PRKG2: variants seen among roughly 807,000 people sequenced by gnomAD.
PRKG2 encodes cGMP-dependent protein kinase 2.
Under a neutral mutation model 97.2 loss-of-function variants are expected in PRKG2, and 33 were observed. The ratio of observed to expected loss-of-function variants is 0.34; its 90% CI spans 0.26 to 0.45. PRKG2 has a LOEUF of 0.45. PRKG2 is among the 20% of genes least tolerant of loss of function. The probability of loss-of-function intolerance (pLI) is 1.00; values close to 1 mark genes in which losing one functional copy is unlikely to be tolerated. For synonymous variants in PRKG2, 330 were observed against 321.8 expected, an observed-to-expected ratio of 1.03 and a Z score of -0.27; for missense variants, 638 against 900.0, an observed-to-expected ratio of 0.71 and a Z score of 3.73.
chr4:81,157,441 G>C (rs979067685), intron 6 of PRKG2, among the ~76,000 whole-genome samples: 5 of 152,130 alleles, frequency 3.3e-5, no homozygotes, highest in African/African-American at 1.2e-4. Flanking sequence ...ATAATCAACA[G>C]CTTACCAACA....
chr4:81,143,483 C>T (rs1440743184), intron 10 of PRKG2, among the ~76,000 whole-genome samples: 1 of 152,096 alleles, frequency 6.6e-6, no homozygotes, highest in East Asian at 1.9e-4. Flanking sequence ...ATGAAAAGTA[C>T]ATTTCTTACT....
intron 17 of PRKG2, among the ~76,000 whole-genome samples, chr4:81,098,125 G>C (rs1742312287): frequency 6.6e-6 from 1 of 152,122 alleles, no homozygotes; most frequent in African/African-American, 2.4e-5. Context: ...CTAATTAGCT[G>C]CCAGTGCGGC....
At chr4:81,094,148 A>C (rs1336647652) in intron 17 of PRKG2, among the ~76,000 whole-genome samples, 6 of 152,244 alleles carry the variant, frequency 3.9e-5, no homozygotes, top group Non-Finnish European at 8.8e-5. Flanking sequence ...GGAAAGATTT[A>C]GTTGTACCCT....
In PRKG2 at chr4:81,088,584, T is replaced by C. The variant is rs1741279340; in HGVS notation, c.*1124A>G. On this transcript the variant is annotated 3_prime_UTR_variant, in exon 19 of 19. Coordinates refer to ENST00000264399, the MANE Select transcript of PRKG2 (RefSeq NM_006259.3). ...GGAAGGGATAGGAGGGATGCTGTTG[T>C]CCCTTTTACTTCTGAAATCCTATCA... The C allele has an allele frequency of 1.3e-5, 2 of 152,158 alleles. No individual in the cohort carries two copies. Among genetic ancestry groups the C allele is most frequent in the Non-Finnish European group, 2.9e-5 (2 of 68,014 alleles). 9.4% of individuals were successfully genotyped at this position (152,158 alleles called of 1,614,324 possible).
chr4:81,186,759 T>A (rs973566791), intron 2 of PRKG2, among the ~76,000 whole-genome samples: 3 of 150,310 alleles, frequency 2.0e-5, no homozygotes, highest in African/African-American at 7.4e-5. Flanking sequence ...GAGAGAAGAG[T>A]CCAACAGACA....
chr4:81,106,213 T>A (rs1743321043), intron 15 of PRKG2, among the ~76,000 whole-genome samples: 1 of 152,154 alleles, frequency 6.6e-6, no homozygotes, highest in Admixed American at 6.6e-5. Flanking sequence ...AGAGAAGGTG[T>A]GATTTTTTGA....
intron 14 of PRKG2, among the ~76,000 whole-genome samples, chr4:81,117,014 A>G (rs112211331): frequency 0.034 from 2,958 of 86,568 alleles, 136 homozygotes; most frequent in African/African-American, 0.14. Flanking sequence ...TTTTTTTGAG[A>G]CAGGGTCTCA....
chr4:81,094,736 GC>G (rs1466428916), intron 17 of PRKG2, among the ~76,000 whole-genome samples: 1 of 151,992 alleles, frequency 6.6e-6, no homozygotes, highest in Non-Finnish European at 1.5e-5. Flanking sequence ...CTGTGGCAAA[GC>G]CCTTCCAGAT....
At chr4:81,108,329 T>C (rs1026207235) in intron 15 of PRKG2, among the ~76,000 whole-genome samples, 1 of 152,196 alleles carries the variant, frequency 6.6e-6, no homozygotes, top group South Asian at 2.1e-4. Context: ...AGACCTTGTG[T>C]TACTGAGCTT....
chr4:81,095,544 T>A (rs769813380), intron 17 of PRKG2, among the ~76,000 whole-genome samples: 1 of 152,236 alleles, frequency 6.6e-6, no homozygotes, highest in Non-Finnish European at 1.5e-5. Context: ...AAACAGCCCA[T>A]GTGTTGCTTA....
intron 15 of PRKG2, among the ~76,000 whole-genome samples, chr4:81,107,879 A>G (rs1006568774): frequency 6.6e-6 from 1 of 152,118 alleles, no homozygotes; most frequent in Non-Finnish European, 1.5e-5. Context: ...CTGAATTTGG[A>G]TAACATTTTA....
intron 2 of PRKG2, among the ~76,000 whole-genome samples, chr4:81,200,741 C>T (rs1444772970): frequency 6.6e-6 from 1 of 152,164 alleles, no homozygotes; most frequent in Admixed American, 6.5e-5. Context: ...GTTCCTATGG[C>T]TCCAAGGTCT....
intron 17 of PRKG2, among the ~76,000 whole-genome samples, chr4:81,096,497 C>T (rs1178908234): frequency 6.6e-6 from 1 of 152,150 alleles, no homozygotes; most frequent in Non-Finnish European, 1.5e-5. Context: ...AATCACACCA[C>T]TGCACTCCAG....
At chr4:81,090,464 C>A (rs1741429798) in intron 18 of PRKG2, among the ~76,000 whole-genome samples, 1 of 151,978 alleles carries the variant, frequency 6.6e-6, no homozygotes, top group South Asian at 2.1e-4. Flanking sequence ...ATAAGTTTCT[C>A]ACCAATCCTG....
Position 81,137,407 on chromosome 4 carries a change from A to G in PRKG2, c.1620T>C (p.Ser540=), listed in dbSNP as rs1161032412. The change falls in exon 13 of 19, where the codon AGT becomes AGC. Residue 540 remains serine, a synonymous_variant. Transcript: ENST00000264399. ...LEACLGGELW[S]ILRDRGSFDE... Reference sequence around the variant, plus strand: ...TTTTTCATTACCTGTCCCTTAATATACTCCAGAGCTCCCCACCTAAGCAGG... The same window carrying G: ...TTTTTCATTACCTGTCCCTTAATATGCTCCAGAGCTCCCCACCTAAGCAGG... The G allele has an allele frequency of 6.2e-7, 1 of 1,609,474 alleles. No individual in the cohort carries two copies. The highest frequency in any genetic ancestry group is 8.5e-7 in the Non-Finnish European group (1 of 1,175,996).
chr4:81,163,164 A>G (rs1044279426), intron 6 of PRKG2, among the ~76,000 whole-genome samples: 6 of 152,196 alleles, frequency 3.9e-5, no homozygotes, highest in African/African-American at 1.4e-4. Context: ...GTGTGTTGAC[A>G]GTAACTTCAT....
At position 81,135,359 on chromosome 4, in the gene PRKG2, G is replaced by A. The variant is rs187679893; in HGVS notation, c.1635-63C>T. 26 of 1,491,652 alleles carry A rather than the reference G, an allele frequency of 1.7e-5. No homozygotes were observed. The African/African-American group carries it at 3.4e-4, about 19-fold the overall frequency. The allele number at this position is 1,491,652 out of a possible 1,614,324, so 92.4% of individuals were successfully genotyped here. A position where few individuals can be genotyped will look rare whatever the true frequency, so the allele number is the denominator to read the frequency against. ...ACACATCTTTGGTGCTGTTCTACGT[G>A]TCAAATCAATTATTGGATTGGCAGG... On this transcript the variant is annotated intron_variant, in intron 13 of 18. Transcript: ENST00000264399.
At chr4:81,093,005 G>A (rs922043993) in intron 17 of PRKG2, among the ~76,000 whole-genome samples, 11 of 152,048 alleles carry the variant, frequency 7.2e-5, no homozygotes, top group African/African-American at 1.2e-4. Flanking sequence ...AACATGCCTC[G>A]GTTCAATACT....
intron 11 of PRKG2, among the ~76,000 whole-genome samples, chr4:81,141,747 T>C (rs528960301): frequency 3.3e-5 from 5 of 152,326 alleles, no homozygotes; most frequent in African/African-American, 9.6e-5. Flanking sequence ...CTCAGCTTTG[T>C]TAATTGAATC....
Sources: allele counts gnomAD v4.1 joint callset (sites outside exome capture counted in the v4.1 genomes callset), GRCh38; gene constraint gnomAD v4.1.1; transcripts MANE v1.5; gene names NCBI Gene and HGNC (gene_info 2026-07-23, HGNC 2026-07-21).